TCF7L2: variants seen among roughly 807,000 people sequenced by gnomAD.
TCF7L2 encodes transcription factor 7 like 2.
TCF7L2 carries 23 observed loss-of-function variants against 77.9 expected under a neutral mutation model. The ratio of observed to expected loss-of-function variants is 0.30; its 90% CI spans 0.21 to 0.42. The LOEUF is 0.42. Among genes scored for constraint, TCF7L2 ranks in the 10% least tolerant of loss-of-function variants. The pLI, the probability that TCF7L2 is intolerant of heterozygous loss-of-function variation, is 1.00. For missense variants in TCF7L2, 654 were observed against 793.1 expected (o/e 0.82, Z 2.11); for synonymous variants, 413 against 340.2 (o/e 1.21, Z -2.36).
rs199792399 is a variant in TCF7L2 at position 113,005,787 on chromosome 10, G to GA, written c.451-34229dup. ...TGCTTGCCTGGAATAAGGAAGGAAAGAAAAAAAAATACTCTTGAGTGGTTT... is the reference window on the plus strand; with the variant it reads ...TGCTTGCCTGGAATAAGGAAGGAAAGAAAAAAAAAATACTCTTGAGTGGTTT... On this transcript the variant is annotated intron_variant, in intron 4 of 13. Transcript: ENST00000627217. Among the ~76,000 whole-genome samples the GA allele has an allele frequency of 1.3e-3, 199 of 150,884 alleles. No individual in the cohort carries two copies. The East Asian group carries it at 0.022, about 17-fold the overall frequency.
intron 4 of TCF7L2, among the ~76,000 whole-genome samples, chr10:113,004,647 C>T (rs1479497983): frequency 7.2e-5 from 11 of 152,052 alleles, no homozygotes; most frequent in Admixed American, 2.0e-4. Context: ...AGTGAATTGA[C>T]GTATACTTTT....
chr10:113,145,271 G>A (rs1221121235), intron 7 of TCF7L2, among the ~76,000 whole-genome samples: 1 of 152,068 alleles, frequency 6.6e-6, no homozygotes, highest in Non-Finnish European at 1.5e-5. Flanking sequence ...AATAGATGGG[G>A]CCAACCCTCG....
intron 5 of TCF7L2, among the ~76,000 whole-genome samples, chr10:113,051,274 A>G (rs970273997): frequency 2.0e-5 from 3 of 149,910 alleles, no homozygotes; most frequent in African/African-American, 5.0e-5. Flanking sequence ...CCCCGACTCA[A>G]TGGAGGACCC....
intron 4 of TCF7L2, among the ~76,000 whole-genome samples, chr10:113,002,046 G>C (rs191020535): frequency 1.1e-4 from 16 of 152,280 alleles, no homozygotes; most frequent in East Asian, 5.8e-4. Context: ...CACCAAGGAT[G>C]ATGATGAGAA....
intron 4 of TCF7L2, among the ~76,000 whole-genome samples, chr10:112,995,754 C>T (rs945817394): frequency 2.0e-5 from 3 of 152,120 alleles, no homozygotes; most frequent in South Asian, 2.1e-4. Context: ...TGCTTGCTGG[C>T]GCCTGCCCCT....
At chr10:113,146,232 C>A in intron 8 of TCF7L2, 135 bp downstream of exon 8, 1 of 761,716 alleles carries the variant, frequency 1.3e-6, no homozygotes, top group Non-Finnish European at 2.1e-6. Context: ...TGGCATTAGG[C>A]TGTACTCCCA....
chr10:113,008,564 T>C (rs2045959395), intron 4 of TCF7L2, among the ~76,000 whole-genome samples: 1 of 152,264 alleles, frequency 6.6e-6, no homozygotes, highest in Non-Finnish European at 1.5e-5. Context: ...TATTATTTAT[T>C]TGATGCATTC....
At position 113,160,619 on chromosome 10, in the gene TCF7L2, A is replaced by T; in HGVS notation, c.1319A>T (p.Asp440Val). 1 of 1,590,948 alleles carries T rather than the reference A, an allele frequency of 6.3e-7. No homozygotes were observed. The highest frequency in any genetic ancestry group is 1.2e-5 in the South Asian group (1 of 86,826). The change falls in exon 13 of 14, where the codon GAT (aspartate) becomes GTT (valine). Residue 440 changes from aspartate to valine, a missense_variant and splice_region_variant. Physicochemically the swap from Asp to Val is radical, Grantham distance 152 (BLOSUM62 -3). Around this residue, in one of 6 missense-constraint regions of TCF7L2, gnomAD observed 272 missense variants for 215.4 expected, o/e 1.26. Coordinates refer to ENST00000627217, the MANE Select transcript of TCF7L2 (RefSeq NM_001146274.2). ...TTTTGTGTTTACCTTATGCTAACAG[A>T]TGCAAATACTCCAAAGAAGTGTCGG...
At chr10:112,960,353 A>C (rs1225334279) in intron 3 of TCF7L2, among the ~76,000 whole-genome samples, 3 of 152,210 alleles carry the variant, frequency 2.0e-5, no homozygotes, top group Non-Finnish European at 1.5e-5. Flanking sequence ...ATTGCTGAAG[A>C]ATTTTGCAAG....
intron 5 of TCF7L2, among the ~76,000 whole-genome samples, chr10:113,062,694 T>C (rs1278526396): frequency 6.6e-6 from 1 of 152,158 alleles, no homozygotes; most frequent in African/African-American, 2.4e-5. Flanking sequence ...TAAAATTCGG[T>C]CCAATTAAGC....
At chr10:113,133,616 C>T (rs1347185382) in intron 5 of TCF7L2, among the ~76,000 whole-genome samples, 1 of 152,210 alleles carries the variant, frequency 6.6e-6, no homozygotes, top group Non-Finnish European at 1.5e-5. Flanking sequence ...TGGATGAAAA[C>T]TGACTGCACG....
At chr10:113,148,973 C>CA (rs1450021356) in intron 8 of TCF7L2, among the ~76,000 whole-genome samples, 1 of 152,204 alleles carries the variant, frequency 6.6e-6, no homozygotes, top group African/African-American at 2.4e-5. Context: ...CACACACACT[C>CA]ACACATGCAG....
chr10:113,122,891 TATTGAAAGAAGCATCA>T (rs1416969284), intron 5 of TCF7L2, among the ~76,000 whole-genome samples: 2 of 152,294 alleles, frequency 1.3e-5, no homozygotes, highest in African/African-American at 4.8e-5. Flanking sequence ...CAGAAACCCC[TATTGAAAGAAGCATCA>T]ATTCATATAA....
At chr10:112,960,782 G>A (rs1049832734) in intron 3 of TCF7L2, among the ~76,000 whole-genome samples, 4 of 151,382 alleles carry the variant, frequency 2.6e-5, no homozygotes, top group Admixed American at 6.6e-5. Context: ...CTGCCTTCCC[G>A]GCTCAAGCAA....
At chr10:113,162,377 CT>C (rs953130743) in intron 13 of TCF7L2, among the ~76,000 whole-genome samples, 9 of 150,046 alleles carry the variant, frequency 6.0e-5, no homozygotes, top group East Asian at 2.0e-4. Flanking sequence ...GCAAGTCAGA[CT>C]TTTTTTTTTC....
intron 4 of TCF7L2, among the ~76,000 whole-genome samples, chr10:112,991,920 C>T (rs1051828572): frequency 1.3e-5 from 2 of 152,036 alleles, no homozygotes; most frequent in South Asian, 2.1e-4. Flanking sequence ...CTGTTGGGGC[C>T]GGGGAGGGGT....
intron 5 of TCF7L2, among the ~76,000 whole-genome samples, chr10:113,098,827 A>C (rs1303207894): frequency 6.6e-6 from 1 of 152,260 alleles, no homozygotes; most frequent in African/African-American, 2.4e-5. Context: ...CACGTAGGAC[A>C]CAGAACAGCT....
chr10:113,092,324 C>G (rs1160005583), intron 5 of TCF7L2, among the ~76,000 whole-genome samples: 6 of 152,208 alleles, frequency 3.9e-5, no homozygotes, highest in Non-Finnish European at 8.8e-5. Context: ...GCTGTGCCAA[C>G]TTGGGCAAGT....
intron 4 of TCF7L2, among the ~76,000 whole-genome samples, chr10:112,970,354 CCTT>C (rs891342921): frequency 6.6e-6 from 1 of 151,630 alleles, no homozygotes; most frequent in African/African-American, 2.4e-5. Context: ...CAAAGCCTAA[CCTT>C]CTGCTTGGTC....
Sources: allele counts gnomAD v4.1 joint callset (sites outside exome capture counted in the v4.1 genomes callset), GRCh38; gene constraint gnomAD v4.1.1; regional missense constraint gnomAD v4.1.1; transcripts MANE v1.5; gene names NCBI Gene and HGNC (gene_info 2026-07-23, HGNC 2026-07-21).